NUAK1: variants seen among roughly 807,000 people sequenced by gnomAD.
The protein encoded by NUAK1 is NUAK family kinase 1, also known as NUAK family SNF1-like kinase 1.
NUAK1 carries 26 observed loss-of-function variants against 56.9 expected under a neutral mutation model. That is an observed-to-expected ratio of 0.46 (90% CI 0.33 to 0.63). The LOEUF is 0.63. Among genes scored for constraint, NUAK1 ranks in the 30% least tolerant of loss-of-function variants. The probability of loss-of-function intolerance (pLI) is 0.02; values close to 1 mark genes in which losing one functional copy is unlikely to be tolerated. For synonymous variants in NUAK1, 337 were observed against 336.0 expected (o/e 1.00, Z -0.03); for missense variants, 727 against 876.1 (o/e 0.83, Z 2.15).
At chr12:106,110,398 G>C (rs933761277) in intron 1 of NUAK1, among the ~76,000 whole-genome samples, 2 of 152,122 alleles carry the variant, frequency 1.3e-5, no homozygotes, top group African/African-American at 2.4e-5. Flanking sequence ...GGGAGGGTAC[G>C]GGCAATAAGC....
rs749252968 is a variant in NUAK1, at chr12:106,138,252, G to A, written c.240+162C>T. Among the ~76,000 whole-genome samples the A allele has an allele frequency of 2.6e-5, 4 of 152,174 alleles. No homozygotes were observed. In the South Asian group the frequency reaches 8.3e-4, roughly 32 times the overall value. ...CAGGACAGAGACACGCCTGAGTCAC[G>A]GGGTGCTGGAGAAAGAGTGAGGAGT... On this transcript the variant is annotated intron_variant, in intron 1 of 6. Transcript: ENST00000261402. This position sits in a 1 kb window ranked among gnomAD's most constrained non-coding sequence, Gnocchi z 5.0.
At chr12:106,095,969 A>C (rs2032692694) in intron 2 of NUAK1, among the ~76,000 whole-genome samples, 1 of 152,152 alleles carries the variant, frequency 6.6e-6, no homozygotes, top group South Asian at 2.1e-4. Context: ...GCAGGTTAAA[A>C]GTTACAGTTC....
chr12:106,117,546 C>T (rs971452238), intron 1 of NUAK1, among the ~76,000 whole-genome samples: 16 of 152,158 alleles, frequency 1.1e-4, no homozygotes, highest in Non-Finnish European at 1.9e-4. Flanking sequence ...TTCACTTGAC[C>T]GGTACTAGTT....
chr12:106,083,911 C>G lies in NUAK1; in HGVS notation c.532G>C (p.Asp178His). 1 of 1,614,086 alleles carries G rather than the reference C, an allele frequency of 6.2e-7. No individual in the cohort carries two copies. Among genetic ancestry groups the G allele is most frequent in the Non-Finnish European group, 8.5e-7 (1 of 1,179,990 alleles). ...AGCAGTATATTTTCCAGCTTCAAGTCCCGGTGGACCACACCGTTCTGAAAT... is the reference window on the plus strand; with the variant it reads ...AGCAGTATATTTTCCAGCTTCAAGTGCCGGTGGACCACACCGTTCTGAAAT... ...YCHKNGVVHR[D>H]LKLENILLDD... Residue 178 changes from aspartate (D) to histidine (H), a missense_variant, in exon 4 of 7, where the codon GAC (aspartate) becomes CAC (histidine). Coordinates refer to ENST00000261402, the MANE Select transcript of NUAK1 (RefSeq NM_014840.3).
intron 1 of NUAK1, among the ~76,000 whole-genome samples, chr12:106,125,331 A>G (rs984653510): frequency 3.9e-5 from 6 of 152,198 alleles, no homozygotes; most frequent in African/African-American, 1.4e-4. Flanking sequence ...TAAGTTCTTC[A>G]TATTGCTATT....
At chr12:106,071,353 C>T (rs1393354402) in intron 5 of NUAK1, among the ~76,000 whole-genome samples, 1 of 152,146 alleles carries the variant, frequency 6.6e-6, no homozygotes, top group African/African-American at 2.4e-5. Context: ...CCTTCCTGCA[C>T]TTTCTTCAAA....
chr12:106,138,852 G>T lies in NUAK1; in HGVS notation c.-199C>A. 1.6e-6 allele frequency: 1 copy of T among 628,208 alleles called. No individual in the cohort carries two copies. The highest frequency in any genetic ancestry group is 2.3e-6 in the Non-Finnish European group (1 of 430,110). 38.9% of individuals were successfully genotyped at this position (628,208 alleles called of 1,614,324 possible). A position where few individuals can be genotyped will look rare whatever the true frequency, so the allele number is the denominator to read the frequency against. ...ACATCTGGCGCCCGCGGCGCGCACG[G>T]TCCGCGCACCGCCCCCCGGCCGCGG... On this transcript the variant is annotated 5_prime_UTR_variant, in exon 1 of 7. Coordinates refer to ENST00000261402, the MANE Select transcript of NUAK1 (RefSeq NM_014840.3). This position sits in a 1 kb window ranked among gnomAD's most constrained non-coding sequence, Gnocchi z 5.0.
chr12:106,097,056 G>A (rs1488855214), intron 2 of NUAK1, among the ~76,000 whole-genome samples: 1 of 152,144 alleles, frequency 6.6e-6, no homozygotes, highest in Admixed American at 6.5e-5. Context: ...ATCACATCAG[G>A]AATAATCAAT....
At chr12:106,111,678 C>A (rs1365483387) in intron 1 of NUAK1, among the ~76,000 whole-genome samples, 1 of 152,084 alleles carries the variant, frequency 6.6e-6, no homozygotes, top group East Asian at 1.9e-4. Context: ...GATGCCAGCC[C>A]CAGGGACCAC....
chr12:106,113,527 G>A (rs1033664767), intron 1 of NUAK1, among the ~76,000 whole-genome samples: 10 of 151,952 alleles, frequency 6.6e-5, no homozygotes, highest in Non-Finnish European at 1.3e-4. Flanking sequence ...TTCAGGGTAG[G>A]GGGCAGACCT....
intron 1 of NUAK1, among the ~76,000 whole-genome samples, chr12:106,118,189 T>A (rs1228039551): frequency 6.6e-6 from 1 of 152,056 alleles, no homozygotes; most frequent in Non-Finnish European, 1.5e-5. Flanking sequence ...TACAATGTCA[T>A]CCCACTTCAT....
chr12:106,092,314 C>T (rs1305835920), intron 2 of NUAK1, among the ~76,000 whole-genome samples: 3 of 151,946 alleles, frequency 2.0e-5, no homozygotes, highest in African/African-American at 4.8e-5. Context: ...GTCAGGAGAC[C>T]GAGACCAGCC....
intron 2 of NUAK1, among the ~76,000 whole-genome samples, chr12:106,090,998 A>G (rs2032629207): frequency 6.6e-6 from 1 of 152,034 alleles, no homozygotes; most frequent in Non-Finnish European, 1.5e-5. Context: ...CAGCTTCCAC[A>G]CCCTTGGCCC....
intron 1 of NUAK1, among the ~76,000 whole-genome samples, chr12:106,128,753 C>T (rs79232785): frequency 0.012 from 1,825 of 152,314 alleles, 45 homozygotes; most frequent in African/African-American, 0.041. Context: ...CCATTCCCCG[C>T]CCTTCCAGGG....
intron 2 of NUAK1, among the ~76,000 whole-genome samples, chr12:106,097,186 C>G (rs1194003550): frequency 6.6e-6 from 1 of 152,202 alleles, no homozygotes; most frequent in African/African-American, 2.4e-5. Context: ...AAGGAAACAG[C>G]CTCAGAGAGC....
At chr12:106,104,295 ACCTCAAGTGAT>A (rs1171659989) in intron 2 of NUAK1, 3 of 152,188 alleles carry the variant, frequency 2.0e-5, no homozygotes, top group African/African-American at 7.2e-5. Flanking sequence ...CAAACTCCTG[ACCTCAAGTGAT>A]CCTCTTGCCA....
intron 1 of NUAK1, among the ~76,000 whole-genome samples, chr12:106,129,249 AAGG>A (rs2033054052): frequency 1.3e-5 from 2 of 152,350 alleles, no homozygotes; most frequent in African/African-American, 2.4e-5. Context: ...TGACCCAGAG[AAGG>A]AGGAGGATGG....
At chr12:106,085,737 C>G (rs1250141669) in intron 3 of NUAK1, among the ~76,000 whole-genome samples, 1 of 152,064 alleles carries the variant, frequency 6.6e-6, no homozygotes, top group Non-Finnish European at 1.5e-5. Flanking sequence ...GATGGGGTCT[C>G]ACTTTGTCAT....
In NUAK1 at chr12:106,111,902, T is replaced by TAA. The variant is rs35552828; in HGVS notation, c.241-5379_241-5378dup. 4.7e-3 allele frequency among the ~76,000 whole-genome samples: 585 copies of TAA among 123,344 alleles called. 2 individuals carry two copies. Among genetic ancestry groups the TAA allele is most frequent in the East Asian group, 0.012 (52 of 4,206 alleles). 80.9% of individuals were successfully genotyped at this position (123,344 alleles called of 152,430 possible). ...ATATTTCCCAAAGTTACATAGCCTG[T>TAA]AAAAAAAAAAAAAAAAAAAGTGGAG... On this transcript the variant is annotated intron_variant, in intron 1 of 6. Transcript: ENST00000261402.
Sources: gnomAD v4.1 joint callset for allele counts (sites outside exome capture counted in the v4.1 genomes callset) on GRCh38, gnomAD v4.1.1 for gene constraint, Gnocchi (gnomAD v3.1) non-coding constraint, MANE v1.5 for transcripts, NCBI Gene and HGNC (gene_info 2026-07-23, HGNC 2026-07-21) for gene names.